CHAT: variants seen among roughly 807,000 people sequenced by gnomAD.
CHAT encodes acetyl CoA:choline O-acetyltransferase.
A neutral mutation model predicts 76.9 loss-of-function variants in CHAT; 61 were observed. The observed-to-expected ratio is 0.79, with a 90% CI of 0.65 to 0.98. The LOEUF (loss-of-function observed/expected upper bound fraction) is 0.98. CHAT is among the 50% of genes least tolerant of loss of function. The probability of loss-of-function intolerance (pLI) is 0.00; values close to 1 mark genes in which losing one functional copy is unlikely to be tolerated. For missense variants in CHAT, 946 were observed against 986.9 expected (o/e 0.96, Z 0.56); for synonymous variants, 407 against 397.4 (o/e 1.02, Z -0.29).
chr10:49,665,142 T>A lies in CHAT; in HGVS notation c.*96T>A, dbSNP rs955441095. On this transcript the variant is annotated 3_prime_UTR_variant, in exon 15 of 15. Coordinates refer to ENST00000337653, the MANE Select transcript of CHAT (RefSeq NM_020549.5). Reference sequence around the variant, plus strand: ...GTCCCTTACCCCAGCTTTCCACAGCTCCCTGTCCTCAGGGTCCAACTCACA... The same window carrying A: ...GTCCCTTACCCCAGCTTTCCACAGCACCCTGTCCTCAGGGTCCAACTCACA... The A allele has an allele frequency of 3.7e-6, 5 of 1,366,484 alleles. No individual in the cohort carries two copies. The African/African-American group carries it at 7.1e-5, about 19-fold the overall frequency. 84.6% of individuals were successfully genotyped at this position (1,366,484 alleles called of 1,614,324 possible). A position where few individuals can be genotyped will look rare whatever the true frequency, so the allele number is the denominator to read the frequency against.
rs777723848 is a variant in CHAT, at chr10:49,627,831, T to C, written c.1111+46T>C. ...CATCTCCATGCCCATCTCATGCTCGTGCCCATTGGCTTTCCCTCCTCTAGG... is the reference window on the plus strand; with the variant it reads ...CATCTCCATGCCCATCTCATGCTCGCGCCCATTGGCTTTCCCTCCTCTAGG... On this transcript the variant is annotated intron_variant, in intron 7 of 14. Transcript: ENST00000337653. The C allele has an allele frequency of 2.5e-6, 4 of 1,594,824 alleles. No individual in the cohort carries two copies. The East Asian group carries it at 6.8e-5, about 27-fold the overall frequency.
chr10:49,667,253 C>T lies in CHAT; in HGVS notation c.*2207C>T, dbSNP rs35461040. Among the ~76,000 whole-genome samples, 15,619 of 152,202 alleles carry T rather than the reference C, an allele frequency of 0.1. 948 individuals carry two copies. Among genetic ancestry groups the T allele is most frequent in the Admixed American group, 0.2 (3,048 of 15,298 alleles). On this transcript the variant is annotated 3_prime_UTR_variant, in exon 15 of 15. Coordinates refer to ENST00000337653, the MANE Select transcript of CHAT (RefSeq NM_020549.5). ...TCTCTCCTAGTCTATGGCATGCTATCATGGGGTCAAGTAGGGGCAGGGAGG... is the reference window on the plus strand; with the variant it reads ...TCTCTCCTAGTCTATGGCATGCTATTATGGGGTCAAGTAGGGGCAGGGAGG...
intron 13 of CHAT, among the ~76,000 whole-genome samples, chr10:49,656,530 AGTGG>A (rs1301646707): frequency 1.3e-5 from 2 of 152,180 alleles, no homozygotes; most frequent in African/African-American, 2.4e-5. Context: ...TCCCAGGGAA[AGTGG>A]TGCTTCCTGT....
intron 7 of CHAT, among the ~76,000 whole-genome samples, chr10:49,631,687 A>G (rs769154649): frequency 5.9e-5 from 9 of 152,174 alleles, no homozygotes; most frequent in Non-Finnish European, 1.2e-4. Context: ...AGAGTGTGGG[A>G]TGCTTGAAAC....
At chr10:49,651,671 G>A (rs1348123175) in intron 10 of CHAT, 6 of 548,574 alleles carry the variant, frequency 1.1e-5, no homozygotes, top group Non-Finnish European at 2.0e-5. Context: ...AGCTCACCTT[G>A]GGTCATAGTA....
chr10:49,612,234 C>T (rs1590546180), upstream of CHAT: 6 of 1,609,478 alleles, frequency 3.7e-6, no homozygotes, highest in East Asian at 1.3e-4. Flanking sequence ...ATGCGGTGCG[C>T]CTGCGTGAGC....
chr10:49,612,326 A>T (rs1319543206), upstream of CHAT: 1 of 1,589,126 alleles, frequency 6.3e-7, no homozygotes, highest in Non-Finnish European at 8.6e-7. Context: ...AACTACTACT[A>T]CACCCGCAGC....
chr10:49,650,914 T>C (rs746245969), intron 10 of CHAT, among the ~76,000 whole-genome samples: 4 of 152,146 alleles, frequency 2.6e-5, no homozygotes, highest in Non-Finnish European at 5.9e-5. Flanking sequence ...GCCAAGGCAG[T>C]GAGCTGGTGG....
chr10:49,629,469 G>C (rs554997651), intron 7 of CHAT, among the ~76,000 whole-genome samples: 1 of 152,298 alleles, frequency 6.6e-6, no homozygotes, highest in Non-Finnish European at 1.5e-5. Flanking sequence ...TAATTCCCTC[G>C]GGAGACCATG....
At chr10:49,649,392 CT>C (rs533554840) in intron 9 of CHAT, 115 bp from the exon 10 acceptor site, 37 of 1,514,584 alleles carry the variant, frequency 2.4e-5, no homozygotes, top group Non-Finnish European at 3.1e-5. Flanking sequence ...CTCGTACCCC[CT>C]GAAACTCCAT....
At chr10:49,662,111 AC>A (rs1410548156) in intron 13 of CHAT, among the ~76,000 whole-genome samples, 2 of 152,164 alleles carry the variant, frequency 1.3e-5, no homozygotes, top group African/African-American at 4.8e-5. Context: ...CAGATCTCAC[AC>A]CCTCTATCCT....
chr10:49,611,186 T>A, upstream of CHAT: 3 of 1,614,146 alleles, frequency 1.9e-6, no homozygotes, highest in Non-Finnish European at 2.5e-6. Context: ...ATCGACCGCA[T>A]GAGCTACGAC....
At chr10:49,656,283 GTTTTTTTTTTTTTT>G (rs566849400) in intron 13 of CHAT, among the ~76,000 whole-genome samples, 1 of 121,298 alleles carries the variant, frequency 8.2e-6, no homozygotes, top group Non-Finnish European at 1.7e-5. Flanking sequence ...TATTCAGTGG[GTTTTTTTTTTTTTT>G]TTTTTTTTTT....
chr10:49,648,726 TAC>T lies in CHAT; in HGVS notation c.1382+150_1382+151del, dbSNP rs10580502. 329,107 of 582,586 alleles carry T rather than the reference TAC, an allele frequency of 0.56. 56,033 individuals carry two copies. Among genetic ancestry groups the T allele is most frequent in the Admixed American group, 0.63 (24,661 of 39,202 alleles). The allele number at this position is 582,586 out of a possible 1,614,324, so 36.1% of individuals were successfully genotyped here. ...ATGAATTTGAAAAAAATGTGTACTA[TAC>T]ACACACACACACACACACACACACA... is the stretch of plus-strand genomic sequence containing the variant. On this transcript the variant is annotated intron_variant, in intron 9 of 14. Coordinates refer to ENST00000337653, the MANE Select transcript of CHAT (RefSeq NM_020549.5).
rs139733116 is a variant in CHAT at position 49,639,906 on chromosome 10, C to A, written c.1112-6599C>A. ...TCTGTTCCTTTTCCCCCAGTCTAAT[C>A]AGTGTTATTCCGTCTTCAAGTTCAC... is the stretch of plus-strand genomic sequence containing the variant. On this transcript the variant is annotated intron_variant, in intron 7 of 14. Transcript: ENST00000337653. 2.9e-4 allele frequency among the ~76,000 whole-genome samples: 44 copies of A among 151,932 alleles called. No homozygotes were observed. In the East Asian group the frequency reaches 8.4e-3, roughly 29 times the overall value.
At chr10:49,640,502 G>GT (rs1554805995) in intron 7 of CHAT, among the ~76,000 whole-genome samples, 4 of 77,782 alleles carry the variant, frequency 5.1e-5, no homozygotes, top group East Asian at 4.1e-4. Context: ...CTGCAGGGTT[G>GT]GGGGGTGGAA....
chr10:49,617,598 A>C (rs1838545097), intron 2 of CHAT, among the ~76,000 whole-genome samples: 1 of 152,212 alleles, frequency 6.6e-6, no homozygotes, highest in South Asian at 2.1e-4. Context: ...AGCCAGGCTA[A>C]GTCACAGCGC....
chr10:49,637,805 T>G (rs1302319434), intron 7 of CHAT, among the ~76,000 whole-genome samples: 1 of 152,262 alleles, frequency 6.6e-6, no homozygotes, highest in Non-Finnish European at 1.5e-5. Flanking sequence ...GAACTTTTTA[T>G]GTTATTTTTC....
At chr10:49,629,880 G>A (rs759883394) in intron 7 of CHAT, among the ~76,000 whole-genome samples, 10 of 152,306 alleles carry the variant, frequency 6.6e-5, no homozygotes, top group Non-Finnish European at 1.2e-4. Flanking sequence ...AAATGATTTC[G>A]GTTTCCCAGT....
Sources: gnomAD v4.1 joint callset for allele counts (sites outside exome capture counted in the v4.1 genomes callset) on GRCh38, gnomAD v4.1.1 for gene constraint, MANE v1.5 for transcripts, NCBI Gene and HGNC (gene_info 2026-07-23, HGNC 2026-07-21) for gene names.